The following SNX29 variants were observed in gnomAD, a reference collection of about 807,000 sequenced individuals.
SNX29 encodes the protein sorting nexin-29.
A neutral mutation model predicts 102.1 loss-of-function variants in SNX29; 78 were observed. The ratio of observed to expected loss-of-function variants is 0.76; its 90% CI spans 0.64 to 0.92. SNX29 has a LOEUF of 0.92. SNX29 is among the 40% of genes least tolerant of loss of function. The probability of loss-of-function intolerance (pLI) is 0.00; values close to 1 mark genes in which losing one functional copy is unlikely to be tolerated. For missense variants in SNX29, 1,280 were observed against 1,061.7 expected (o/e 1.21, Z -2.86); for synonymous variants, 580 against 414.5 (o/e 1.40, Z -4.85).
At chr16:12,186,691 G>A (rs1456258792) in intron 13 of SNX29, among the ~76,000 whole-genome samples, 1 of 152,192 alleles carries the variant, frequency 6.6e-6, no homozygotes, top group Non-Finnish European at 1.5e-5. Flanking sequence ...CACCTCCACA[G>A]CTTCTTTGTC....
At chr16:12,366,954 G>C (rs973740710) in intron 16 of SNX29, 1 of 151,676 alleles carries the variant, frequency 6.6e-6, no homozygotes, top group Non-Finnish European at 1.5e-5. Flanking sequence ...ATTGTCTCCA[G>C]TTTAATAAAG....
At chr16:12,190,449 C>T (rs542258558) in intron 13 of SNX29, among the ~76,000 whole-genome samples, 167 of 152,246 alleles carry the variant, frequency 1.1e-3, no homozygotes, top group Non-Finnish European at 1.9e-3. Flanking sequence ...GTCTAGAATA[C>T]GCTGGGGGCA....
At chr16:12,087,284 G>C (rs1427329962) in intron 11 of SNX29, 1 of 158,958 alleles carries the variant, frequency 6.3e-6, no homozygotes, top group East Asian at 1.8e-4. Flanking sequence ...TGTAATCCCA[G>C]CTACTCAGGA....
chr16:12,428,402 A>AAAAT (rs1230267887), intron 18 of SNX29, among the ~76,000 whole-genome samples: 1 of 152,206 alleles, frequency 6.6e-6, no homozygotes, highest in Non-Finnish European at 1.5e-5. Flanking sequence ...AGTTTCTTAA[A>AAAAT]AAATAAATAA....
At chr16:12,383,471 C>T (rs181102018) in intron 16 of SNX29, among the ~76,000 whole-genome samples, 337 of 152,166 alleles carry the variant, frequency 2.2e-3, no homozygotes, top group African/African-American at 7.3e-3. Flanking sequence ...GAGTCTCGCT[C>T]TCTTGCCCAG....
At chr16:12,202,589 T>A (rs1356196056) in intron 14 of SNX29, among the ~76,000 whole-genome samples, 1 of 152,218 alleles carries the variant, frequency 6.6e-6, no homozygotes, top group Non-Finnish European at 1.5e-5. Flanking sequence ...GGTCATTTGA[T>A]TAATTCTGTT....
intron 20 of SNX29, among the ~76,000 whole-genome samples, chr16:12,530,666 C>T (rs1195684959): frequency 6.6e-6 from 1 of 152,056 alleles, no homozygotes; most frequent in East Asian, 1.9e-4. Context: ...AGCGATTCTC[C>T]TGCCTCAGCT....
At chr16:12,196,967 T>A (rs2076791434) in intron 13 of SNX29, among the ~76,000 whole-genome samples, 1 of 152,144 alleles carries the variant, frequency 6.6e-6, no homozygotes. Flanking sequence ...GAAAGATTTC[T>A]TCAAACTAGA....
chr16:12,283,744 G>T (rs1045060070), intron 15 of SNX29, among the ~76,000 whole-genome samples: 1 of 152,234 alleles, frequency 6.6e-6, no homozygotes, highest in Non-Finnish European at 1.5e-5. Context: ...TTGCATTCTT[G>T]TGGGTGAGGC....
intron 19 of SNX29, among the ~76,000 whole-genome samples, chr16:12,482,780 C>A (rs766207136): frequency 2.6e-5 from 4 of 152,326 alleles, no homozygotes; most frequent in South Asian, 2.1e-4. Flanking sequence ...CCCTACAATG[C>A]CATCATTGGT....
chr16:12,564,546 T>C (rs1223211536), intron 20 of SNX29, among the ~76,000 whole-genome samples: 1 of 152,206 alleles, frequency 6.6e-6, no homozygotes, highest in Non-Finnish European at 1.5e-5. Flanking sequence ...GTTAAGGCCT[T>C]TGGCAACCCA....
Position 12,052,008 on chromosome 16 carries a change from A to T in SNX29, c.910A>T (p.Met304Leu). 6.2e-7 allele frequency: 1 copy of T among 1,613,948 alleles called. No homozygotes were observed. The highest frequency in any genetic ancestry group is 8.5e-7 in the Non-Finnish European group (1 of 1,179,848). ...CTCCGACCGCTCCTCTGTCAATATC[A>T]TGTCCGCCTTTGAAAGCCCCTTCGG... is the stretch of plus-strand genomic sequence containing the variant. ...DNSDRSSVNI[M>L]SAFESPFGPN... The change falls in exon 8 of 21, where the codon ATG (methionine) becomes TTG (leucine). Residue 304 changes from methionine to leucine, a missense_variant. Physicochemically the swap from Met to Leu is conservative, Grantham distance 15. Transcript: ENST00000566228.
intron 20 of SNX29, among the ~76,000 whole-genome samples, chr16:12,567,380 C>G (rs768106498): frequency 6.6e-6 from 1 of 152,158 alleles, no homozygotes; most frequent in Non-Finnish European, 1.5e-5. Context: ...ACATTTTATC[C>G]CAGTGAGGTA....
intron 20 of SNX29, among the ~76,000 whole-genome samples, chr16:12,559,003 G>T (rs1015640019): frequency 1.3e-5 from 2 of 152,262 alleles, no homozygotes; most frequent in African/African-American, 4.8e-5. Flanking sequence ...ACACAGTTAT[G>T]GGGGAGAGAG....
intron 14 of SNX29, among the ~76,000 whole-genome samples, chr16:12,200,059 T>C (rs2076875224): frequency 6.6e-6 from 1 of 152,270 alleles, no homozygotes; most frequent in South Asian, 2.1e-4. Flanking sequence ...GCGCTGGACT[T>C]AGGCTGATCA....
chr16:12,518,453 C>G (rs186213560), intron 19 of SNX29, among the ~76,000 whole-genome samples: 441 of 152,310 alleles, frequency 2.9e-3, no homozygotes, highest in Admixed American at 5.2e-3. Context: ...CTTCCCCCAC[C>G]CTCAGGGCAC....
chr16:12,274,125 T>A (rs960598627), intron 14 of SNX29, among the ~76,000 whole-genome samples: 1 of 152,240 alleles, frequency 6.6e-6, no homozygotes, highest in African/African-American at 2.4e-5. Context: ...GGGTAAAGTT[T>A]CTGCACGGTC....
chr16:12,335,925 G>C (rs552934333), intron 15 of SNX29, among the ~76,000 whole-genome samples: 5 of 151,910 alleles, frequency 3.3e-5, no homozygotes, highest in African/African-American at 9.6e-5. Context: ...TTTGAACCCA[G>C]GCAGTTGGAC....
In SNX29 at chr16:12,213,007, G is replaced by C. The variant is rs192091250; in HGVS notation, c.1678+13324G>C. 9.9e-5 allele frequency among the ~76,000 whole-genome samples: 15 copies of C among 152,248 alleles called. No individual in the cohort carries two copies. The East Asian group carries it at 2.3e-3, about 24-fold the overall frequency. ...CATGCACCTGTAATCCCAGCTACTC[G>C]GGAGGCTGAGGCAGGAGAATAGCTT... On this transcript the variant is annotated intron_variant, in intron 14 of 20. Transcript: ENST00000566228.
Sources: allele counts gnomAD v4.1 joint callset (sites outside exome capture counted in the v4.1 genomes callset), GRCh38; gene constraint gnomAD v4.1.1; transcripts MANE v1.5; gene names NCBI Gene and HGNC (gene_info 2026-07-23, HGNC 2026-07-21).